Variants in CDH18 observed in about 807,000 individuals in gnomAD.
CDH18 encodes the protein cadherin 18.
In CDH18, 31 loss-of-function variants were observed where a neutral mutation model predicts 67.9. That is an observed-to-expected ratio of 0.46 (90% CI 0.34 to 0.62). The LOEUF is 0.62. Among genes scored for constraint, CDH18 ranks in the 20% least tolerant of loss-of-function variants. CDH18 has a pLI of 0.01. For synonymous variants in CDH18, 362 were observed against 347.2 expected, an observed-to-expected ratio of 1.04 and a Z score of -0.48; for missense variants, 890 against 975.5, an observed-to-expected ratio of 0.91 and a Z score of 1.17.
At chr5:19,648,941 C>T (rs1369032213) in intron 5 of CDH18, among the ~76,000 whole-genome samples, 1 of 151,876 alleles carries the variant, frequency 6.6e-6, no homozygotes, top group African/African-American at 2.4e-5. Context: ...TGATAGGCTC[C>T]ATATTTCCCT....
chr5:19,709,098 C>T (rs1029821681), intron 5 of CDH18, among the ~76,000 whole-genome samples: 1 of 152,134 alleles, frequency 6.6e-6, no homozygotes, highest in Non-Finnish European at 1.5e-5. Flanking sequence ...AATCACTTGC[C>T]ATGGCAGTGG....
intron 1 of CDH18, among the ~76,000 whole-genome samples, chr5:20,328,502 TGTGTGTGA>T (rs1211165655): frequency 9.0e-4 from 106 of 117,504 alleles, no homozygotes; most frequent in Non-Finnish European, 1.4e-3. Context: ...TGTGTGTGTG[TGTGTGTGA>T]GAGAGAGAGA....
chr5:20,028,364 C>T (rs1283903717), intron 2 of CDH18, among the ~76,000 whole-genome samples: 1 of 152,100 alleles, frequency 6.6e-6, no homozygotes, highest in African/African-American at 2.4e-5. Context: ...TTTCTTGGAT[C>T]ACTTTCCAGT....
At chr5:19,726,303 T>C (rs900339935) in intron 4 of CDH18, among the ~76,000 whole-genome samples, 6 of 152,236 alleles carry the variant, frequency 3.9e-5, no homozygotes, top group African/African-American at 7.2e-5. Flanking sequence ...AGTAACTCTC[T>C]GCCCTGATCC....
At chr5:20,235,122 A>G (rs115143534) in intron 2 of CDH18, among the ~76,000 whole-genome samples, 245 of 152,250 alleles carry the variant, frequency 1.6e-3, no homozygotes, top group African/African-American at 5.7e-3. Flanking sequence ...ATATAAGCAA[A>G]TTAACTCAAG....
At chr5:20,101,561 AAG>A (rs1746470585) in intron 2 of CDH18, among the ~76,000 whole-genome samples, 1 of 152,194 alleles carries the variant, frequency 6.6e-6, no homozygotes, top group African/African-American at 2.4e-5. Context: ...TAAGGCATCA[AAG>A]GAGTAACATC....
intron 2 of CDH18, among the ~76,000 whole-genome samples, chr5:20,043,712 T>C (rs1740653437): frequency 2.0e-5 from 3 of 152,150 alleles, no homozygotes. Context: ...AATAGCAATA[T>C]CTTGGATTCT....
chr5:20,347,400 C>T (rs1740790211), intron 1 of CDH18, among the ~76,000 whole-genome samples: 1 of 152,066 alleles, frequency 6.6e-6, no homozygotes, highest in African/African-American at 2.4e-5. Flanking sequence ...CCCTAAACCG[C>T]AATTAGGGTC....
exon 2 of CDH18, chr5:20,255,448 T>C (rs1265721595): frequency 6.6e-6 from 1 of 152,172 alleles, no homozygotes; most frequent in African/African-American, 2.4e-5. Context: ...TTTTACCTTT[T>C]AAATCACTTC....
chr5:19,642,318 G>GA lies in CDH18; in HGVS notation c.644-29718dup, dbSNP rs201253631. Among the ~76,000 whole-genome samples the GA allele has an allele frequency of 3.2e-3, 487 of 150,640 alleles. 1 individual carries two copies. Among genetic ancestry groups the GA allele is most frequent in the Non-Finnish European group, 4.8e-3 (327 of 67,456 alleles). ...CCCAATGACTTTCTTTATGGAAATA[G>GA]AAAAAAAAATCCTAAAATTCATCTG... is the stretch of plus-strand genomic sequence containing the variant. On this transcript the variant is annotated intron_variant, in intron 5 of 12. Transcript: ENST00000382275.
intron 2 of CDH18, among the ~76,000 whole-genome samples, chr5:19,947,076 C>T (rs1393137055): frequency 2.0e-5 from 3 of 152,050 alleles, no homozygotes; most frequent in Non-Finnish European, 4.4e-5. Flanking sequence ...TTAGACGATA[C>T]TTCCTATACT....
rs1249877883 is a variant in CDH18, at chr5:20,130,058, A to ATATTATTATTATTATTAT, written c.-518+125385_-518+125386insATAATAATAATAATAATA. Among the ~76,000 whole-genome samples the ATATTATTATTATTATTAT allele has an allele frequency of 2.8e-5, 4 of 140,432 alleles. No individual in the cohort carries two copies. In the South Asian group the frequency reaches 7.1e-4, roughly 25 times the overall value. 92.1% of individuals were successfully genotyped at this position (140,432 alleles called of 152,430 possible). A position where few individuals can be genotyped will look rare whatever the true frequency, so the allele number is the denominator to read the frequency against. On this transcript the variant is annotated intron_variant, in intron 2 of 14. Coordinates refer to the CDH18 transcript ENST00000507958. The stretch of plus-strand genomic sequence containing the variant: ...TATACAGATAATAGATTTAGTGGCA[A>ATATTATTATTATTATTAT]TATTATTATTATTATTGTTATTATT...
At chr5:19,709,787 A>C (rs1440981540) in intron 5 of CDH18, among the ~76,000 whole-genome samples, 1 of 152,180 alleles carries the variant, frequency 6.6e-6, no homozygotes, top group Non-Finnish European at 1.5e-5. Context: ...AGACCAAAGC[A>C]AAAAGAAAAT....
intron 1 of CDH18, among the ~76,000 whole-genome samples, chr5:20,479,287 C>A (rs1380947352): frequency 6.6e-6 from 1 of 152,000 alleles, no homozygotes; most frequent in Non-Finnish European, 1.5e-5. Context: ...GTACCAGTGA[C>A]CAATTCCAGA....
Position 20,098,880 on chromosome 5 carries a change from C to T in CDH18, c.-517-106866G>A, listed in dbSNP as rs900410270. The stretch of plus-strand genomic sequence containing the variant: ...ATTTTACTCTTAAAATTATTAGCCA[C>T]GAATTAAGTTAGTCAGCATTATTTT... On this transcript the variant is annotated intron_variant, in intron 2 of 14. Transcript: ENST00000507958. Among the ~76,000 whole-genome samples the T allele has an allele frequency of 5.3e-5, 8 of 152,206 alleles. No homozygotes were observed. In the South Asian group the frequency reaches 6.2e-4, roughly 12 times the overall value.
intron 1 of CDH18, among the ~76,000 whole-genome samples, chr5:20,487,443 C>A (rs965378430): frequency 1.1e-4 from 16 of 149,178 alleles, no homozygotes; most frequent in African/African-American, 3.9e-4. Flanking sequence ...TATAATCGGG[C>A]TACATCAATA....
intron 2 of CDH18, among the ~76,000 whole-genome samples, chr5:20,226,045 T>A (rs528020655): frequency 1.6e-4 from 24 of 152,204 alleles, no homozygotes; most frequent in African/African-American, 5.8e-4. Context: ...GCAAATGGCA[T>A]AAACTATTCT....
At chr5:20,194,239 T>A (rs1360146854) in intron 2 of CDH18, among the ~76,000 whole-genome samples, 1 of 152,028 alleles carries the variant, frequency 6.6e-6, no homozygotes, top group Non-Finnish European at 1.5e-5. Flanking sequence ...GCCCCAAAAC[T>A]CCTTGTGATA....
At chr5:19,698,845 T>A (rs1400221090) in intron 5 of CDH18, among the ~76,000 whole-genome samples, 1 of 152,132 alleles carries the variant, frequency 6.6e-6, no homozygotes, top group Admixed American at 6.6e-5. Flanking sequence ...GATCACCATC[T>A]CAGGTTTGAT....
Sources: gnomAD v4.1 joint callset for allele counts (sites outside exome capture counted in the v4.1 genomes callset) on GRCh38, gnomAD v4.1.1 for gene constraint, MANE v1.5 for transcripts, NCBI Gene and HGNC (gene_info 2026-07-23, HGNC 2026-07-21) for gene names.